Variants in RGS6 observed in about 807,000 individuals in gnomAD.
The protein encoded by RGS6 is regulator of G-protein signaling 6.
Under a neutral mutation model 78.5 loss-of-function variants are expected in RGS6, and 30 were observed. The ratio of observed to expected loss-of-function variants is 0.38; its 90% CI spans 0.29 to 0.52. The LOEUF (loss-of-function observed/expected upper bound fraction) is 0.52. Among genes scored for constraint, RGS6 ranks in the 20% least tolerant of loss-of-function variants. The pLI, the probability that RGS6 is intolerant of heterozygous loss-of-function variation, is 0.85. For synonymous variants in RGS6, 206 were observed against 206.0 expected (o/e 1.00, Z 0.00); for missense variants, 495 against 609.7 (o/e 0.81, Z 1.98).
At chr14:72,140,981 C>T (rs1046539057) in intron 2 of RGS6, among the ~76,000 whole-genome samples, 2 of 152,198 alleles carry the variant, frequency 1.3e-5, no homozygotes, top group Non-Finnish European at 2.9e-5. Context: ...CTTGTCAAGA[C>T]ATAGCAAACT....
the RGS6 span, among the ~76,000 whole-genome samples, chr14:71,922,856 A>AAAAACAAAACAAAACAAAAC: frequency 6.6e-6 from 1 of 150,660 alleles, no homozygotes; most frequent in African/African-American, 2.4e-5. Context: ...GACAAAAAAC[A>AAAAACAAAACAAAACAAAAC]AAAACAAAAC....
Position 71,936,460 on chromosome 14 carries a change from G to A in RGS6, c.-21+3519G>A, listed in dbSNP as rs139050540. Among the ~76,000 whole-genome samples, 63 of 152,082 alleles carry A rather than the reference G, an allele frequency of 4.1e-4. 1 individual carries two copies. The East Asian group carries it at 0.012, about 28-fold the overall frequency. ...GCAACACCCACACGGACACACCCAG[G>A]ATCAATACTCTGTATCTCTCAATGC... On this transcript the variant is annotated intron_variant, in intron 1 of 17. Transcript: ENST00000553525.
At chr14:72,354,697 G>A (rs911410308) in intron 3 of RGS6, among the ~76,000 whole-genome samples, 2 of 151,986 alleles carry the variant, frequency 1.3e-5, no homozygotes, top group African/African-American at 2.4e-5. Context: ...TTTGTGAGGG[G>A]CCCTCCTTCA....
chr14:72,431,782 C>G (rs2094654467), intron 3 of RGS6, among the ~76,000 whole-genome samples: 2 of 152,192 alleles, frequency 1.3e-5, no homozygotes, highest in Admixed American at 6.5e-5. Flanking sequence ...GGAGAGCCCT[C>G]TGGCCAAATT....
chr14:72,416,422 C>G (rs2093813911), intron 3 of RGS6, among the ~76,000 whole-genome samples: 1 of 152,034 alleles, frequency 6.6e-6, no homozygotes, highest in South Asian at 2.1e-4. Flanking sequence ...TTGTATTAAG[C>G]CTAAAACTTA....
chr14:72,518,565 A>T, intron 15 of RGS6, 28 bp downstream of exon 15: 1 of 1,604,440 alleles, frequency 6.2e-7, no homozygotes, highest in African/African-American at 1.3e-5. Context: ...AGTGGTTGTC[A>T]TAAGGTGTTC....
At chr14:72,150,297 A>G (rs191240767) in intron 2 of RGS6, among the ~76,000 whole-genome samples, 3 of 152,284 alleles carry the variant, frequency 2.0e-5, no homozygotes. Context: ...GGAAGAGGCA[A>G]GAAAGGATTC....
chr14:72,379,444 C>CA (rs1218983697), intron 3 of RGS6, among the ~76,000 whole-genome samples: 3 of 151,724 alleles, frequency 2.0e-5, no homozygotes, highest in Non-Finnish European at 4.4e-5. Flanking sequence ...AAGGCTATAT[C>CA]AAAAAACTCT....
chr14:72,427,610 G>T (rs2094480776), intron 3 of RGS6, among the ~76,000 whole-genome samples: 1 of 152,180 alleles, frequency 6.6e-6, no homozygotes, highest in Non-Finnish European at 1.5e-5. Flanking sequence ...GGCAGGGATG[G>T]AGGAGTCTTG....
chr14:72,599,136 G>C, the RGS6 span, among the ~76,000 whole-genome samples: 5 of 152,152 alleles, frequency 3.3e-5, no homozygotes, highest in East Asian at 9.6e-4. Context: ...GGAAAGGAGG[G>C]CTAGAATTCA....
the RGS6 span, among the ~76,000 whole-genome samples, chr14:71,876,629 G>C: frequency 3.3e-5 from 5 of 151,360 alleles, no homozygotes; most frequent in Admixed American, 1.3e-4. Flanking sequence ...CTCTTTATCC[G>C]ATTTGCCAGT....
intron 2 of RGS6, among the ~76,000 whole-genome samples, chr14:72,227,293 GT>G (rs1234449567): frequency 5.3e-5 from 8 of 152,040 alleles, no homozygotes; most frequent in Non-Finnish European, 8.8e-5. Context: ...TTTAAAATTT[GT>G]TTTAGACACA....
At chr14:72,412,624 T>C (rs1238005939) in intron 3 of RGS6, among the ~76,000 whole-genome samples, 1 of 152,232 alleles carries the variant, frequency 6.6e-6, no homozygotes, top group Non-Finnish European at 1.5e-5. Flanking sequence ...TGAATGTGTT[T>C]GCTCTTGCTT....
intron 2 of RGS6, among the ~76,000 whole-genome samples, chr14:72,180,994 G>A (rs1028733081): frequency 2.0e-5 from 3 of 152,126 alleles, no homozygotes; most frequent in Admixed American, 1.3e-4. Context: ...GTGTAAGAAA[G>A]CTCTTATATT....
chr14:72,231,124 G>C (rs559547276), intron 2 of RGS6, among the ~76,000 whole-genome samples: 3 of 152,158 alleles, frequency 2.0e-5, no homozygotes, highest in Non-Finnish European at 4.4e-5. Flanking sequence ...CGTTGCTGTC[G>C]AGAGAATGGT....
chr14:72,004,016 C>A lies in RGS6; in HGVS notation c.84+39141C>A, dbSNP rs554961917. Among the ~76,000 whole-genome samples, 13 of 152,298 alleles carry A rather than the reference C, an allele frequency of 8.5e-5. No individual in the cohort carries two copies. The South Asian group carries it at 2.5e-3, about 29-fold the overall frequency. On this transcript the variant is annotated intron_variant, in intron 2 of 17. Coordinates refer to ENST00000553525, the MANE Select transcript of RGS6 (RefSeq NM_001204424.2). ...CAAACTTTGCTCTCCACTGGAATCACCTTTGCATCCTCAAAAATACTACGC... is the reference window on the plus strand; with the variant it reads ...CAAACTTTGCTCTCCACTGGAATCAACTTTGCATCCTCAAAAATACTACGC...
At position 72,562,633 on chromosome 14, in the gene RGS6, G is replaced by A; in HGVS notation, c.*166G>A. 6.5e-7 allele frequency: 1 copy of A among 1,534,722 alleles called. No individual in the cohort carries two copies. The highest frequency in any genetic ancestry group is 1.2e-5 in the South Asian group (1 of 84,012). On this transcript the variant is annotated 3_prime_UTR_variant, in exon 18 of 18. Coordinates refer to ENST00000553525, the MANE Select transcript of RGS6 (RefSeq NM_001204424.2). ...GTGGGGAGACTCGGTGGGTGAATGG[G>A]GAGACCAGAAAGAAAGAGTCCACAG...
At chr14:72,035,548 G>A (rs2091574467) in intron 2 of RGS6, among the ~76,000 whole-genome samples, 1 of 152,016 alleles carries the variant, frequency 6.6e-6, no homozygotes, top group Non-Finnish European at 1.5e-5. Context: ...TCCTTGAGGT[G>A]TAAAGTTAGG....
chr14:72,299,064 A>G (rs2065500637), intron 2 of RGS6, among the ~76,000 whole-genome samples: 1 of 152,178 alleles, frequency 6.6e-6, no homozygotes, highest in South Asian at 2.1e-4. Flanking sequence ...TTATTGGCAT[A>G]AATTTGTTCA....
Sources: gnomAD v4.1 joint callset for allele counts (sites outside exome capture counted in the v4.1 genomes callset) on GRCh38, gnomAD v4.1.1 for gene constraint, MANE v1.5 for transcripts, NCBI Gene and HGNC (gene_info 2026-07-23, HGNC 2026-07-21) for gene names.